Variants in RNF212B observed in about 807,000 individuals in gnomAD.
RNF212B encodes E3 ubiquitin-protein ligase RNF212B.
A neutral mutation model predicts 55.5 loss-of-function variants in RNF212B; 52 were observed. That is an observed-to-expected ratio of 0.94 (90% confidence interval 0.75 to 1.18). The LOEUF is 1.18. Among genes scored for constraint, RNF212B ranks in the 50% most tolerant of loss-of-function variants. The pLI is 0.00. For synonymous variants in RNF212B, 99 were observed against 121.4 expected, an observed-to-expected ratio of 0.82 and a Z score of 1.21; for missense variants, 289 against 350.4, an observed-to-expected ratio of 0.82 and a Z score of 1.40.
chr14:23,202,250 TA>T (rs57327070), intron 2 of RNF212B, among the ~76,000 whole-genome samples: 130,058 of 134,256 alleles, frequency 0.97, 63,030 homozygotes, highest in South Asian at 1. Flanking sequence ...GACCCTGTCT[TA>T]AAAAAAAAAA....
intron 2 of RNF212B, among the ~76,000 whole-genome samples, chr14:23,229,223 TA>T (rs1882318463): frequency 2.1e-4 from 16 of 75,514 alleles, no homozygotes; most frequent in African/African-American, 4.8e-4. Flanking sequence ...TAATATTTTA[TA>T]TATATATATA....
At chr14:23,223,102 C>T (rs1881712499) in intron 2 of RNF212B, among the ~76,000 whole-genome samples, 1 of 149,824 alleles carries the variant, frequency 6.7e-6, no homozygotes, top group Non-Finnish European at 1.5e-5. Flanking sequence ...TCATGATCAA[C>T]TGAGATCTCA....
rs571348416 is a variant in RNF212B at position 23,231,842 on chromosome 14, G to A, written c.-1-8503G>A. ...TTTTTGGTGGAGAGGGGGTTTCGCT[G>A]TGTTGGCCGGGCTGGTCTCCAGCTC... On this transcript the variant is annotated intron_variant, in intron 2 of 15. Coordinates refer to the RNF212B transcript ENST00000399910. 2.6e-5 allele frequency among the ~76,000 whole-genome samples: 4 copies of A among 152,340 alleles called. No individual in the cohort carries two copies. In the South Asian group the frequency reaches 8.3e-4, roughly 32 times the overall value.
At chr14:23,206,877 G>A (rs1879887585) in intron 2 of RNF212B, among the ~76,000 whole-genome samples, 2 of 149,916 alleles carry the variant, frequency 1.3e-5, no homozygotes. Flanking sequence ...ACAGAATTCA[G>A]ATAACTGAGA....
At chr14:23,260,808 C>A in intron 7 of RNF212B, 121 bp downstream of exon 7, 2 of 894,852 alleles carry the variant, frequency 2.2e-6, no homozygotes, top group Admixed American at 2.4e-5. Context: ...TTCACTTCTC[C>A]GAGGAAGAGT....
chr14:23,189,081 C>T (rs551347395), intron 1 of RNF212B, among the ~76,000 whole-genome samples: 4 of 152,300 alleles, frequency 2.6e-5, no homozygotes, highest in Non-Finnish European at 4.4e-5. Flanking sequence ...GCACAGATCT[C>T]AAGCAGGCCC....
chr14:23,238,648 A>G (rs1276021852), intron 1 of RNF212B, among the ~76,000 whole-genome samples: 2 of 151,630 alleles, frequency 1.3e-5, no homozygotes, highest in African/African-American at 2.4e-5. Context: ...TGAGGTGGGA[A>G]GATCGCTTGA....
intron 2 of RNF212B, chr14:23,230,141 A>C (rs1015076305): frequency 3.1e-5 from 5 of 163,430 alleles, no homozygotes; most frequent in Non-Finnish European, 5.5e-5. Context: ...TCGAATACAC[A>C]CCACAATGGT....
chr14:23,269,711 C>CAA (rs956501851), intron 12 of RNF212B, among the ~76,000 whole-genome samples, 152 bp from the exon 13 acceptor site: 79 of 127,606 alleles, frequency 6.2e-4, no homozygotes, highest in African/African-American at 2.2e-3. Flanking sequence ...GACCCTGTCT[C>CAA]AAAAAAAAAA....
At chr14:23,270,739 G>A in intron 14 of RNF212B, 78 bp downstream of exon 14, 1 of 934,136 alleles carries the variant, frequency 1.1e-6, no homozygotes, top group South Asian at 1.4e-5. Context: ...CCTCAGGGTA[G>A]TGGAATATAA....
intron 4 of RNF212B, among the ~76,000 whole-genome samples, chr14:23,253,956 T>C (rs1884598607): frequency 6.6e-6 from 1 of 152,100 alleles, no homozygotes. Flanking sequence ...AAATAAATCT[T>C]CAACTAAATA....
chr14:23,217,552 T>C (rs1281903816), intron 2 of RNF212B, among the ~76,000 whole-genome samples: 1 of 152,106 alleles, frequency 6.6e-6, no homozygotes, highest in Non-Finnish European at 1.5e-5. Context: ...CACAGCTCCA[T>C]GCTGCTGAGC....
Position 23,245,270 on chromosome 14 carries a change from A to G in RNF212B, c.228+874A>G, listed in dbSNP as rs1410323448. Among the ~76,000 whole-genome samples the G allele has an allele frequency of 2.6e-5, 4 of 152,144 alleles. No individual in the cohort carries two copies. In the South Asian group the frequency reaches 6.2e-4, roughly 24 times the overall value. On this transcript the variant is annotated intron_variant, in intron 4 of 14. Transcript: ENST00000430154. ...TCACTCTAGAGATGGAGTAAGGGGA[A>G]TTAAGGCTTGCTGCTTGCTGTCTTT...
intron 1 of RNF212B, among the ~76,000 whole-genome samples, 191 bp downstream of exon 1, chr14:23,238,246 G>T (rs1400304227): frequency 4.1e-5 from 6 of 145,726 alleles, no homozygotes; most frequent in African/African-American, 1.7e-4. Flanking sequence ...TGGGCATATA[G>T]AACGGGGCCT....
intron 11 of RNF212B, among the ~76,000 whole-genome samples, 176 bp from the exon 12 acceptor site, chr14:23,268,748 C>T (rs1885867614): frequency 6.6e-6 from 1 of 152,176 alleles, no homozygotes. Context: ...GAGGAAAGCA[C>T]CTATAAGAGA....
intron 4 of RNF212B, among the ~76,000 whole-genome samples, chr14:23,254,600 C>T (rs1271150533): frequency 6.6e-6 from 1 of 152,162 alleles, no homozygotes; most frequent in Admixed American, 6.5e-5. Flanking sequence ...TGCCACGTTG[C>T]CCAGGCTGTT....
rs563772752 is a variant in RNF212B, at chr14:23,192,882, G to A, written c.-78-443G>A. On this transcript the variant is annotated intron_variant, in intron 1 of 15. Coordinates refer to the RNF212B transcript ENST00000399910. ...CAAGGTGGGCGGATCACCTGAGGTC[G>A]GGAGTTTGAGACCAGCCTGACCAGC... 5.3e-5 allele frequency among the ~76,000 whole-genome samples: 8 copies of A among 151,798 alleles called. No individual in the cohort carries two copies. The East Asian group carries it at 5.8e-4, about 11-fold the overall frequency.
intron 11 of RNF212B, among the ~76,000 whole-genome samples, chr14:23,266,148 G>A (rs1326420555): frequency 6.6e-6 from 1 of 151,746 alleles, no homozygotes; most frequent in South Asian, 2.1e-4. Context: ...TAGTAGCGAC[G>A]GGGTTTCACC....
At chr14:23,259,650 G>A (rs901845497) in intron 5 of RNF212B, 8 of 314,472 alleles carry the variant, frequency 2.5e-5, no homozygotes, top group African/African-American at 1.1e-4. Flanking sequence ...GGAATTCTTT[G>A]CAAATTCCCC....
Sources: gnomAD v4.1 joint callset for allele counts (sites outside exome capture counted in the v4.1 genomes callset) on GRCh38, gnomAD v4.1.1 for gene constraint, MANE v1.5 for transcripts, NCBI Gene and HGNC (gene_info 2026-07-23, HGNC 2026-07-21) for gene names.